FBLN2: variants seen among roughly 807,000 people sequenced by gnomAD.
FBLN2 encodes the protein fibulin 2.
In FBLN2, 81 loss-of-function variants were observed where a neutral mutation model predicts 123.7. That is an observed-to-expected ratio of 0.65 (90% CI 0.55 to 0.79). The LOEUF is 0.79. Among genes scored for constraint, FBLN2 ranks in the 30% least tolerant of loss-of-function variants. FBLN2 has a pLI of 0.00. For synonymous variants in FBLN2, 699 were observed against 701.4 expected (o/e 1.00, Z 0.05); for missense variants, 1,603 against 1,681.3 (o/e 0.95, Z 0.81).
At chr3:13,632,345 C>G (rs1706285494) in intron 16 of FBLN2, among the ~76,000 whole-genome samples, 1 of 152,254 alleles carries the variant, frequency 6.6e-6, no homozygotes, top group Non-Finnish European at 1.5e-5. Context: ...ACACATGGAG[C>G]TGAGAACCTG....
chr3:13,564,682 T>C (rs1465974291), intron 1 of FBLN2, among the ~76,000 whole-genome samples: 1 of 152,234 alleles, frequency 6.6e-6, no homozygotes, highest in East Asian at 1.9e-4. Flanking sequence ...TGTCATATCC[T>C]GTGGCCTGTG....
intron 2 of FBLN2, among the ~76,000 whole-genome samples, chr3:13,595,337 T>C (rs536833873): frequency 1.2e-4 from 19 of 152,142 alleles, no homozygotes; most frequent in African/African-American, 4.1e-4. Context: ...TCAGGCTGAG[T>C]TGGGTGAGCT....
In FBLN2 at chr3:13,626,494, C is replaced by A; in HGVS notation, c.2346C>A (p.His782Gln). The A allele has an allele frequency of 6.3e-7, 1 of 1,575,748 alleles. No homozygotes were observed. Among genetic ancestry groups the A allele is most frequent in the Admixed American group, 1.8e-5 (1 of 54,748 alleles). Residue 782 changes from histidine to glutamine, a missense_variant, in exon 10 of 18, where the codon CAC (histidine) becomes CAA (glutamine). Physicochemically the swap from His to Gln is conservative, Grantham distance 24. Transcript: ENST00000404922. ...TDLHTCSRGE[H>Q]CVNTLGSFHC... is the part of the protein sequence containing the mutation. ...TGCACACGTGCAGCCGGGGCGAGCA[C>A]TGTGTGAACACACTGGGCTCCTTCC...
At chr3:13,604,110 T>C (rs1705128812) in intron 2 of FBLN2, among the ~76,000 whole-genome samples, 1 of 152,244 alleles carries the variant, frequency 6.6e-6, no homozygotes, top group Admixed American at 6.5e-5. Context: ...TAAATTTAAG[T>C]TCTTTGTAGA....
chr3:13,562,356 C>CTT (rs377434279), intron 1 of FBLN2, among the ~76,000 whole-genome samples: 36 of 135,140 alleles, frequency 2.7e-4, no homozygotes, highest in Non-Finnish European at 4.3e-4. Flanking sequence ...ATGAAGTTTA[C>CTT]TTTTTTTTTT....
chr3:13,585,378 G>GT (rs1267479191), intron 2 of FBLN2, among the ~76,000 whole-genome samples: 1 of 152,168 alleles, frequency 6.6e-6, no homozygotes, highest in Non-Finnish European at 1.5e-5. Flanking sequence ...ATGTATTTTA[G>GT]TGGGGGGTGT....
intron 2 of FBLN2, among the ~76,000 whole-genome samples, chr3:13,579,820 C>T (rs9862523): frequency 0.1 from 15,594 of 152,150 alleles, 1,129 homozygotes; most frequent in African/African-American, 0.2. Flanking sequence ...TTTCTTTGTA[C>T]GCTGTTCATT....
At chr3:13,571,965 G>T (rs773996323) in intron 2 of FBLN2, among the ~76,000 whole-genome samples, 4 of 152,184 alleles carry the variant, frequency 2.6e-5, no homozygotes, top group South Asian at 2.1e-4. Flanking sequence ...AGAGCTGGGG[G>T]CCCTGAGGAG....
At chr3:13,583,400 C>T (rs74760638) in intron 2 of FBLN2, among the ~76,000 whole-genome samples, 3,183 of 152,372 alleles carry the variant, frequency 0.021, 51 homozygotes, top group African/African-American at 0.022. Context: ...GTGAAGTAGA[C>T]GTTTGCCAAC....
At chr3:13,586,174 A>G (rs1026117992) in intron 2 of FBLN2, among the ~76,000 whole-genome samples, 2 of 152,024 alleles carry the variant, frequency 1.3e-5, no homozygotes, top group South Asian at 4.2e-4. Context: ...TTTATGTCTT[A>G]GTTTCTTTTT....
chr3:13,620,092 C>T (rs1184953107), intron 8 of FBLN2, among the ~76,000 whole-genome samples: 3 of 152,262 alleles, frequency 2.0e-5, no homozygotes, highest in Admixed American at 6.5e-5. Flanking sequence ...GGTGTCGCTC[C>T]GCATTTCCCG....
chr3:13,618,254 A>G lies in FBLN2; in HGVS notation c.1908A>G (p.Ser636=). ...SYHCACFPGF[S]LQDDGRTCRP... ...ACTGTGCCTGCTTTCCTGGCTTCTCACTGCAGGACGATGGCCGCACTTGCC... is the reference window on the plus strand; with the variant it reads ...ACTGTGCCTGCTTTCCTGGCTTCTCGCTGCAGGACGATGGCCGCACTTGCC... Residue 636 remains serine, a synonymous_variant, in exon 6 of 18, where the codon TCA becomes TCG. Coordinates refer to ENST00000404922, the MANE Select transcript of FBLN2 (RefSeq NM_001004019.2). 1 of 1,613,880 alleles carries G rather than the reference A, an allele frequency of 6.2e-7. No homozygotes were observed. The highest frequency in any genetic ancestry group is 2.2e-5 in the East Asian group (1 of 44,882).
chr3:13,634,390 C>T (rs373220703), intron 16 of FBLN2, among the ~76,000 whole-genome samples: 7 of 152,376 alleles, frequency 4.6e-5, no homozygotes, highest in East Asian at 1.9e-4. Flanking sequence ...GACCGCCTCC[C>T]GCGAGCTTGG....
At chr3:13,630,020 G>A in intron 14 of FBLN2, 75 bp downstream of exon 14, 1 of 1,575,832 alleles carries the variant, frequency 6.3e-7, no homozygotes, top group Non-Finnish European at 8.6e-7. Flanking sequence ...AAGGCCCAGA[G>A]CCTTCTGTGA....
At chr3:13,562,142 C>T (rs994293593) in intron 1 of FBLN2, among the ~76,000 whole-genome samples, 9 of 152,084 alleles carry the variant, frequency 5.9e-5, no homozygotes, top group Admixed American at 2.0e-4. Flanking sequence ...GAAGGAGCAC[C>T]GGGTCACCCT....
chr3:13,630,842 C>G (rs1353886204), intron 15 of FBLN2, 27 bp downstream of exon 15: 1 of 1,520,852 alleles, frequency 6.6e-7, no homozygotes, highest in South Asian at 1.2e-5. Flanking sequence ...CAAGGGCCCC[C>G]TTCCAGAGAG....
chr3:13,618,118 G>C lies in FBLN2; in HGVS notation c.1772G>C (p.Gly591Ala), dbSNP rs1276954743. 1.9e-6 allele frequency: 3 copies of C among 1,613,474 alleles called. No individual in the cohort carries two copies. Among genetic ancestry groups the C allele is most frequent in the Non-Finnish European group, 2.5e-6 (3 of 1,179,902 alleles). Reference protein sequence around the residue: ...EMAGREALSLGTEAELPNSLP... With the variant: ...EMAGREALSLATEAELPNSLP... Reference sequence around the variant, plus strand: ...GCGGGCCGAGAGGCCCTGTCACTGGGCACAGAGGCCGAGCTGCCGAACAGC... The same window carrying C: ...GCGGGCCGAGAGGCCCTGTCACTGGCCACAGAGGCCGAGCTGCCGAACAGC... Residue 591 changes from glycine to alanine, a missense_variant, in exon 6 of 18, where the codon GGC (glycine) becomes GCC (alanine). By Grantham distance (60) the Gly-to-Ala change is moderately conservative. Transcript: ENST00000404922.
In FBLN2 at chr3:13,571,107, T is replaced by C; in HGVS notation, c.752T>C (p.Leu251Pro). 1 of 1,552,984 alleles carries C rather than the reference T, an allele frequency of 6.4e-7. No individual in the cohort carries two copies. Among genetic ancestry groups the C allele is most frequent in the Non-Finnish European group, 8.7e-7 (1 of 1,148,414 alleles). Residue 251 changes from leucine (L) to proline (P), a missense_variant, in exon 2 of 18, where the codon CTC becomes CCC. Transcript: ENST00000404922. ...CAGGCACCCCCCTGGCCAGCTGTCC[T>C]CCCCAGGCCCACAGCGGCTGCTGCC... is the stretch of plus-strand genomic sequence containing the variant. ...TIQAPPWPAV[L>P]PRPTAAAALG...
chr3:13,629,316 C>A (rs1265600363), intron 13 of FBLN2, 24 bp downstream of exon 13: 1 of 1,590,118 alleles, frequency 6.3e-7, no homozygotes, highest in Non-Finnish European at 8.6e-7. Flanking sequence ...TGGCCAGGAC[C>A]CCTGGGGAAC....
Sources: gnomAD v4.1 joint callset for allele counts (sites outside exome capture counted in the v4.1 genomes callset) on GRCh38, gnomAD v4.1.1 for gene constraint, MANE v1.5 for transcripts, NCBI Gene and HGNC (gene_info 2026-07-23, HGNC 2026-07-21) for gene names.